Variants in DHRSX observed in about 807,000 individuals in gnomAD.
The protein encoded by DHRSX is polyprenol dehydrogenase.
Under a neutral mutation model 34.0 loss-of-function variants are expected in DHRSX, and 31 were observed. The ratio of observed to expected loss-of-function variants is 0.91; its 90% CI spans 0.69 to 1.23. The LOEUF (loss-of-function observed/expected upper bound fraction) is 1.23. Ranked by LOEUF, DHRSX falls within the 50% of genes most tolerant of loss-of-function variation. The pLI, the probability that DHRSX is intolerant of heterozygous loss-of-function variation, is 0.00. For synonymous variants in DHRSX, 201 were observed against 183.8 expected, an observed-to-expected ratio of 1.09 and a Z score of -0.76; for missense variants, 414 against 428.1, an observed-to-expected ratio of 0.97 and a Z score of 0.29.
At chrX:2,462,012 T>C (rs933061278) in intron 1 of DHRSX, among the ~76,000 whole-genome samples, 1 of 152,044 alleles carries the variant, frequency 6.6e-6, no homozygotes, top group Non-Finnish European at 1.5e-5. Flanking sequence ...TAATAAGCAA[T>C]TCTGAGAAGA....
At chrX:2,309,312 T>A (rs1436171954) in intron 3 of DHRSX, among the ~76,000 whole-genome samples, 1 of 152,134 alleles carries the variant, frequency 6.6e-6, no homozygotes, top group Non-Finnish European at 1.5e-5. Flanking sequence ...TTGTGAAATT[T>A]ATGCTGTTCT....
intron 3 of DHRSX, among the ~76,000 whole-genome samples, chrX:2,396,868 G>A (rs1241693968): frequency 1.3e-5 from 2 of 151,090 alleles, no homozygotes; most frequent in African/African-American, 2.4e-5. Context: ...GGGTTCAAGC[G>A]ATTCTCCTGT....
intron 5 of DHRSX, among the ~76,000 whole-genome samples, chrX:2,248,789 C>T (rs1446322722): frequency 6.6e-6 from 1 of 152,044 alleles, no homozygotes; most frequent in Non-Finnish European, 1.5e-5. Context: ...CTAGACAGGC[C>T]TGTCTGTTTC....
At chrX:2,293,531 C>A (rs2041892414) in intron 3 of DHRSX, among the ~76,000 whole-genome samples, 1 of 152,012 alleles carries the variant, frequency 6.6e-6, no homozygotes, top group African/African-American at 2.4e-5. Context: ...GGGGACACTG[C>A]CAGTGAGTTC....
chrX:2,463,846 G>GACACGC (rs2044438323), intron 1 of DHRSX, among the ~76,000 whole-genome samples: 1 of 152,178 alleles, frequency 6.6e-6, no homozygotes, highest in Non-Finnish European at 1.5e-5. Context: ...CACAGACACA[G>GACACGC]ACACGCAGAA....
intron 5 of DHRSX, among the ~76,000 whole-genome samples, chrX:2,244,467 A>G (rs1462911531): frequency 6.6e-6 from 1 of 152,272 alleles, no homozygotes; most frequent in Non-Finnish European, 1.5e-5. Flanking sequence ...AAGGCACACA[A>G]CCACCATAGA....
In DHRSX at chrX:2,349,347, A is replaced by G. The variant is rs370133151; in HGVS notation, c.287-57744T>C. ...GACACTCCGTCTCAAACAAAAAAAAAAGAAAATGCGGTACACGCACACAAT... is the reference window on the plus strand; with the variant it reads ...GACACTCCGTCTCAAACAAAAAAAAGAGAAAATGCGGTACACGCACACAAT... On this transcript the variant is annotated intron_variant, in intron 3 of 6. Coordinates refer to ENST00000334651, the MANE Select transcript of DHRSX (RefSeq NM_145177.3). Among the ~76,000 whole-genome samples, 199 of 152,118 alleles carry G rather than the reference A, an allele frequency of 1.3e-3. 1 individual carries two copies. Among genetic ancestry groups the G allele is most frequent in the African/African-American group, 4.5e-3 (186 of 41,488 alleles).
intron 3 of DHRSX, among the ~76,000 whole-genome samples, chrX:2,362,333 C>T (rs1356233717): frequency 6.6e-6 from 1 of 152,204 alleles, no homozygotes; most frequent in Admixed American, 6.5e-5. Flanking sequence ...CAGAGTCTCA[C>T]TCTGTTGACC....
intron 1 of DHRSX, among the ~76,000 whole-genome samples, chrX:2,491,226 C>T (rs1172597431): frequency 6.6e-6 from 1 of 152,088 alleles, no homozygotes; most frequent in Non-Finnish European, 1.5e-5. Flanking sequence ...CCTGCCATCA[C>T]GCCTGGCTAA....
At chrX:2,477,632 G>A (rs912830642) in intron 1 of DHRSX, among the ~76,000 whole-genome samples, 16 of 152,278 alleles carry the variant, frequency 1.1e-4, no homozygotes, top group Non-Finnish European at 2.2e-4. Context: ...GATCACCTGA[G>A]GTCAGGAGTT....
At chrX:2,495,679 G>A (rs1321203880) in intron 1 of DHRSX, among the ~76,000 whole-genome samples, 7 of 150,716 alleles carry the variant, frequency 4.6e-5, no homozygotes, top group South Asian at 2.1e-4. Flanking sequence ...CCCTTGCAGC[G>A]CTTCCGAGCA....
At chrX:2,303,080 A>C (rs1178202665) in intron 3 of DHRSX, among the ~76,000 whole-genome samples, 2 of 152,232 alleles carry the variant, frequency 1.3e-5, no homozygotes, top group African/African-American at 4.8e-5. Flanking sequence ...ACCAGTGATC[A>C]AAGGATGGGT....
chrX:2,495,081 A>G (rs1307147152), intron 1 of DHRSX, among the ~76,000 whole-genome samples: 1 of 150,892 alleles, frequency 6.6e-6, no homozygotes, highest in African/African-American at 2.4e-5. Context: ...TTTGGCTGAA[A>G]GACGTTCCAG....
chrX:2,385,561 G>A (rs1421214267), intron 3 of DHRSX, among the ~76,000 whole-genome samples: 5 of 152,164 alleles, frequency 3.3e-5, no homozygotes, highest in Non-Finnish European at 5.9e-5. Flanking sequence ...TTTGTGATTC[G>A]GGTGTAGAGC....
chrX:2,269,036 GATCT>G (rs1569482152), intron 4 of DHRSX, among the ~76,000 whole-genome samples: 2 of 152,154 alleles, frequency 1.3e-5, no homozygotes, highest in Admixed American at 6.5e-5. Flanking sequence ...GATATTTGTA[GATCT>G]ATTTCTGTAT....
At chrX:2,269,107 T>TTGTATA (rs1184294266) in intron 4 of DHRSX, among the ~76,000 whole-genome samples, 1 of 152,278 alleles carries the variant, frequency 6.6e-6, no homozygotes, top group East Asian at 1.9e-4. Context: ...GCATATGCAT[T>TTGTATA]TGTATATGTG....
At position 2,272,519 on chromosome X, in the gene DHRSX, G is replaced by A. The variant is rs191171167; in HGVS notation, c.389-5572C>T. Among the ~76,000 whole-genome samples the A allele has an allele frequency of 4.1e-3, 618 of 152,250 alleles. 4 individuals carry two copies. Among genetic ancestry groups the A allele is most frequent in the Admixed American group, 0.012 (178 of 15,292 alleles). ...AATTCTTTTGTAGAATGCCACAGTG[G>A]TGTAAACACTGTGTGACTTCCAAAG... On this transcript the variant is annotated intron_variant, in intron 4 of 6. Coordinates refer to ENST00000334651, the MANE Select transcript of DHRSX (RefSeq NM_145177.3).
intron 3 of DHRSX, among the ~76,000 whole-genome samples, chrX:2,372,876 T>C (rs1318831614): frequency 6.6e-6 from 1 of 152,020 alleles, no homozygotes. Context: ...CCTCCCAAAG[T>C]GCTGGGATTA....
At chrX:2,494,877 A>T (rs994409986) in intron 1 of DHRSX, among the ~76,000 whole-genome samples, 3 of 151,852 alleles carry the variant, frequency 2.0e-5, no homozygotes, top group African/African-American at 7.2e-5. Context: ...AGGTCCTGGT[A>T]CTGTGAACAA....
Sources: allele counts gnomAD v4.1 joint callset (sites outside exome capture counted in the v4.1 genomes callset), GRCh38; gene constraint gnomAD v4.1.1; transcripts MANE v1.5; gene names NCBI Gene and HGNC (gene_info 2026-07-23, HGNC 2026-07-21).